CATSPERG: variants seen among roughly 807,000 people sequenced by gnomAD.
The protein encoded by CATSPERG is cation channel sperm-associated auxiliary subunit gamma.
CATSPERG carries 115 observed loss-of-function variants against 145.0 expected under a neutral mutation model. The ratio of observed to expected loss-of-function variants is 0.79; its 90% CI spans 0.68 to 0.93. The LOEUF is 0.93. Ranked by LOEUF, CATSPERG falls within the 40% of genes least tolerant of loss-of-function variation. The pLI, the probability that CATSPERG is intolerant of heterozygous loss-of-function variation, is 0.00. For synonymous variants in CATSPERG, 588 were observed against 589.0 expected (o/e 1.00, Z 0.02); for missense variants, 1,296 against 1,490.1 (o/e 0.87, Z 2.14).
chr19:38,348,400 A>G (rs2145076906), intron 7 of CATSPERG, among the ~76,000 whole-genome samples: 1 of 151,408 alleles, frequency 6.6e-6, no homozygotes, highest in South Asian at 2.1e-4. Context: ...CCCTTAAGCA[A>G]TCCTCCCATC....
At chr19:38,353,317 G>A (rs1417578408) in intron 8 of CATSPERG, among the ~76,000 whole-genome samples, 1 of 151,818 alleles carries the variant, frequency 6.6e-6, no homozygotes, top group Non-Finnish European at 1.5e-5. Flanking sequence ...CTGGCCAACA[G>A]AGCGAGACTC....
chr19:38,339,078 G>GGA (rs1969893984), intron 3 of CATSPERG, among the ~76,000 whole-genome samples: 1 of 152,118 alleles, frequency 6.6e-6, no homozygotes, highest in Non-Finnish European at 1.5e-5. Context: ...CCGAGCTCTG[G>GGA]GAGCCCACGC....
chr19:38,370,065 G>C lies in CATSPERG; in HGVS notation c.3113+1G>C, dbSNP rs746552902. 6.2e-7 allele frequency: 1 copy of C among 1,614,210 alleles called. No homozygotes were observed. The highest frequency in any genetic ancestry group is 1.1e-5 in the South Asian group (1 of 91,088). Reference sequence around the variant, plus strand: ...TCTTCAAGGTGTTGGTGAGCAATAGGTGAGCCAGGCAAGTGGCCCAGGTGC... The same window carrying C: ...TCTTCAAGGTGTTGGTGAGCAATAGCTGAGCCAGGCAAGTGGCCCAGGTGC... On this transcript the variant is annotated splice_donor_variant, in intron 27 of 28. Coordinates refer to ENST00000409235, the MANE Select transcript of CATSPERG (RefSeq NM_021185.5). LOFTEE classifies it high-confidence loss of function.
intron 9 of CATSPERG, among the ~76,000 whole-genome samples, chr19:38,355,904 G>A (rs560284707): frequency 1.3e-5 from 2 of 152,030 alleles, no homozygotes; most frequent in Non-Finnish European, 2.9e-5. Context: ...TCACACCTTC[G>A]CTGTGTGCCT....
chr19:38,356,676 AC>A, intron 10 of CATSPERG, 65 bp from the exon 11 acceptor site: 1 of 1,602,864 alleles, frequency 6.2e-7, no homozygotes, highest in Non-Finnish European at 8.5e-7. Context: ...GGGGAGGGGT[AC>A]AGCTGGCACA....
At position 38,362,390 on chromosome 19, in the gene CATSPERG, C is replaced by T; in HGVS notation, c.2172C>T (p.Phe724=). 1.2e-6 allele frequency: 2 copies of T among 1,614,216 alleles called. No individual in the cohort carries two copies. Among genetic ancestry groups the T allele is most frequent in the South Asian group, 1.1e-5 (1 of 91,092 alleles). Residue 724 remains phenylalanine (F), a synonymous_variant, in exon 19 of 29, where the codon TTC becomes TTT. Transcript: ENST00000409235. ...CGGTACCCCAGGATTACTACTTCTT[C>T]TTGGCGAGCAATTGGCGAAGCGCGG... ...NNKQDQDYYF[F]LASNWRSAGG...
chr19:38,354,946 T>C (rs1007474836), intron 9 of CATSPERG, 99 bp downstream of exon 9: 13 of 1,397,060 alleles, frequency 9.3e-6, no homozygotes, highest in African/African-American at 4.3e-5. Flanking sequence ...CCATGTGCCC[T>C]GAGGAGGGCC....
At chr19:38,363,906 T>TC (rs1439850509) in intron 20 of CATSPERG, among the ~76,000 whole-genome samples, 1 of 152,232 alleles carries the variant, frequency 6.6e-6, no homozygotes, top group Non-Finnish European at 1.5e-5. Context: ...CTCAATCTTT[T>TC]CCCCACCCTT....
chr19:38,357,382 G>A (rs1970262534), intron 11 of CATSPERG, among the ~76,000 whole-genome samples: 1 of 146,904 alleles, frequency 6.8e-6, no homozygotes, highest in African/African-American at 2.5e-5. Context: ...AAGTAGCTGA[G>A]TATGGAGTCG....
chr19:38,357,662 C>A (rs543493561), intron 11 of CATSPERG, among the ~76,000 whole-genome samples: 1 of 150,912 alleles, frequency 6.6e-6, no homozygotes, highest in African/African-American at 2.4e-5. Context: ...ACTAAAAATA[C>A]AAAAATTGGC....
intron 7 of CATSPERG, among the ~76,000 whole-genome samples, 167 bp from the exon 8 acceptor site, chr19:38,352,094 A>T (rs1970152225): frequency 6.6e-6 from 1 of 151,904 alleles, no homozygotes; most frequent in East Asian, 1.9e-4. Flanking sequence ...CATATGGGGG[A>T]GGTTTGGCTA....
intron 6 of CATSPERG, 87 bp downstream of exon 6, chr19:38,344,455 T>C (rs574917748): frequency 8.4e-7 from 1 of 1,185,124 alleles, no homozygotes; most frequent in South Asian, 1.3e-5. Context: ...GCAGATCCCA[T>C]TTAGGGAGCA....
chr19:38,363,384 C>T (rs1005364754), intron 20 of CATSPERG, among the ~76,000 whole-genome samples: 2 of 151,826 alleles, frequency 1.3e-5, no homozygotes, highest in Admixed American at 6.6e-5. Flanking sequence ...CCTATGTTGC[C>T]CAGGCTGGCC....
rs1171672399 is a variant in CATSPERG, at chr19:38,344,010, G to T, written c.487G>T (p.Glu163Ter). 9.7e-6 allele frequency: 15 copies of T among 1,550,870 alleles called. No individual in the cohort carries two copies. The African/African-American group carries it at 2.1e-4, about 21-fold the overall frequency. ...CCCTGCAGAGCCATGCATGGCAGAA[G>T]AAGTGTGTAGCATGAGCTGGTACAC... is the stretch of plus-strand genomic sequence containing the variant. Reference protein sequence around the residue: ...FRSKEPCMAEEVCSMSWYTPM... With the variant: ...FRSKEPCMAE The change falls in exon 5 of 29, where the codon GAA becomes TAA. Residue 163 changes from glutamate to a stop codon, truncating the protein, a stop_gained. Coordinates refer to ENST00000409235, the MANE Select transcript of CATSPERG (RefSeq NM_021185.5). LOFTEE classifies it high-confidence loss of function.
chr19:38,367,853 C>G (rs563926175), intron 25 of CATSPERG, 77 bp downstream of exon 25: 1 of 1,385,536 alleles, frequency 7.2e-7, no homozygotes, highest in African/African-American at 1.4e-5. Flanking sequence ...CCAAGCCCAC[C>G]TCGCAAGCCC....
In CATSPERG at chr19:38,346,664, C is replaced by G. The variant is rs966284144; in HGVS notation, c.825+59C>G. The stretch of plus-strand genomic sequence containing the variant: ...TCTTGGAGGGAGCTGGGCCTCAGCC[C>G]CTGAAATAAGGTAGGGGCCTGGGGC... On this transcript the variant is annotated intron_variant, in intron 7 of 28. Coordinates refer to ENST00000409235, the MANE Select transcript of CATSPERG (RefSeq NM_021185.5). The G allele has an allele frequency of 2.7e-6, 4 of 1,476,108 alleles. No homozygotes were observed. In the African/African-American group the frequency reaches 5.6e-5, roughly 21 times the overall value. The allele number at this position is 1,476,108 out of a possible 1,614,324, so 91.4% of individuals were successfully genotyped here.
intron 7 of CATSPERG, among the ~76,000 whole-genome samples, chr19:38,346,931 C>G (rs1970050851): frequency 1.3e-5 from 2 of 152,142 alleles, no homozygotes; most frequent in Non-Finnish European, 2.9e-5. Flanking sequence ...TAGTTTCTGG[C>G]CGGGTGCAGA....
chr19:38,351,280 C>T (rs1337798767), intron 7 of CATSPERG, among the ~76,000 whole-genome samples: 1 of 150,580 alleles, frequency 6.6e-6, no homozygotes, highest in Admixed American at 6.6e-5. Flanking sequence ...GGCAATGTAG[C>T]AAGACTCCCG....
intron 6 of CATSPERG, among the ~76,000 whole-genome samples, 197 bp from the exon 7 acceptor site, chr19:38,346,253 G>T (rs1970039961): frequency 6.6e-6 from 1 of 152,180 alleles, no homozygotes; most frequent in Non-Finnish European, 1.5e-5. Context: ...TTCCTGGGAG[G>T]TCTGAGAAGC....
Sources: gnomAD v4.1 joint callset for allele counts (sites outside exome capture counted in the v4.1 genomes callset) on GRCh38, gnomAD v4.1.1 for gene constraint, MANE v1.5 for transcripts, NCBI Gene and HGNC (gene_info 2026-07-23, HGNC 2026-07-21) for gene names.